SYN2: variants seen among roughly 807,000 people sequenced by gnomAD.
SYN2 encodes synapsin-2.
A neutral mutation model predicts 50.9 loss-of-function variants in SYN2; 19 were observed. The ratio of observed to expected loss-of-function variants is 0.37; its 90% CI spans 0.26 to 0.55. The LOEUF (loss-of-function observed/expected upper bound fraction) is 0.55, where lower values mean the gene tolerates loss of function less well. Among genes scored for constraint, SYN2 ranks in the 20% least tolerant of loss-of-function variants. The pLI, the probability that SYN2 is intolerant of heterozygous loss-of-function variation, is 0.81. For missense variants in SYN2, 587 were observed against 576.4 expected (o/e 1.02, Z -0.19); for synonymous variants, 255 against 224.9 (o/e 1.13, Z -1.20).
At chr3:12,108,723 A>C (rs17035825) in intron 1 of SYN2, among the ~76,000 whole-genome samples, 5,131 of 152,104 alleles carry the variant, frequency 0.034, 271 homozygotes, top group African/African-American at 0.11. Flanking sequence ...CTTCTTTTCT[A>C]AAATCTGTAC....
At chr3:12,010,595 G>A (rs1295648394) in intron 1 of SYN2, among the ~76,000 whole-genome samples, 2 of 152,136 alleles carry the variant, frequency 1.3e-5, no homozygotes, top group African/African-American at 4.8e-5. Context: ...AAACCACTTC[G>A]CATCTTTGGA....
At position 12,016,595 on chromosome 3, in the gene SYN2, G is replaced by A. The variant is rs150512412; in HGVS notation, c.377+11667G>A. ...ATGTAGGCCAGGCGTGGTGGCTCAC[G>A]CCTGTAATCCCAGCTCTTTGGGAAG... On this transcript the variant is annotated intron_variant, in intron 1 of 12. Coordinates refer to ENST00000621198, the MANE Select transcript of SYN2 (RefSeq NM_133625.6). Among the ~76,000 whole-genome samples, 726 of 152,278 alleles carry A rather than the reference G, an allele frequency of 4.8e-3. 6 individuals carry two copies. The highest frequency in any genetic ancestry group is 0.017 in the African/African-American group (690 of 41,544).
chr3:12,083,761 T>C (rs922829108), intron 1 of SYN2, among the ~76,000 whole-genome samples: 2 of 152,192 alleles, frequency 1.3e-5, no homozygotes, highest in African/African-American at 4.8e-5. Flanking sequence ...CCTAACCATC[T>C]GCTAGTTTTA....
chr3:12,185,019 G>A, intron 11 of SYN2: 17 of 985,834 alleles, frequency 1.7e-5, no homozygotes, highest in Non-Finnish European at 2.0e-5. Flanking sequence ...AGGGGCTTGT[G>A]CCTTGGTTTC....
At chr3:12,122,389 G>A (rs1195019573) in intron 1 of SYN2, among the ~76,000 whole-genome samples, 1 of 152,168 alleles carries the variant, frequency 6.6e-6, no homozygotes, top group East Asian at 1.9e-4. Context: ...AGCAGACTGA[G>A]TAGTAAGCCT....
intron 1 of SYN2, among the ~76,000 whole-genome samples, chr3:12,051,955 C>T (rs1401180259): frequency 6.6e-6 from 1 of 152,190 alleles, no homozygotes; most frequent in Non-Finnish European, 1.5e-5. Context: ...GCTGTTGCCT[C>T]TTAGTTGGCT....
At chr3:12,187,283 C>T in intron 11 of SYN2, 86 bp from the exon 12 acceptor site, 1 of 1,439,284 alleles carries the variant, frequency 6.9e-7, no homozygotes, top group Non-Finnish European at 9.2e-7. Context: ...GGGTAATTAA[C>T]TAACCACACC....
At chr3:12,161,819 T>C (rs1031028554) in intron 6 of SYN2, 193 bp from the exon 7 acceptor site, 85 of 991,392 alleles carry the variant, frequency 8.6e-5, no homozygotes, top group Non-Finnish European at 1.2e-4. Context: ...CTGGGTCCTT[T>C]GCAGCAAGTG....
At chr3:12,085,830 A>C (rs1246264968) in intron 1 of SYN2, among the ~76,000 whole-genome samples, 1 of 152,152 alleles carries the variant, frequency 6.6e-6, no homozygotes. Context: ...CTTACATCAT[A>C]CCTCAAAGGA....
At chr3:12,026,140 A>C (rs527318397) in intron 1 of SYN2, among the ~76,000 whole-genome samples, 34 of 152,274 alleles carry the variant, frequency 2.2e-4, no homozygotes, top group African/African-American at 7.9e-4. Flanking sequence ...GACCCTCCTC[A>C]TGGCCTACAG....
rs150236284 is a variant in SYN2, at chr3:12,044,160, T to TTCTCTCTCTCTC, written c.377+39243_377+39254dup. Among the ~76,000 whole-genome samples the TTCTCTCTCTCTC allele has an allele frequency of 1.3e-3, 173 of 135,628 alleles. 1 individual carries two copies. Among genetic ancestry groups the TTCTCTCTCTCTC allele is most frequent in the African/African-American group, 3.9e-3 (126 of 32,528 alleles). The allele number at this position is 135,628 out of a possible 152,430, so 89.0% of individuals were successfully genotyped here. Reference sequence around the variant, plus strand: ...TAGTGTCAACCTTTAGAAGGCAAAGTTCTCTCTCTCTCTCTCTCTCTCACA... The same window carrying TTCTCTCTCTCTC: ...TAGTGTCAACCTTTAGAAGGCAAAGTTCTCTCTCTCTCTCTCTCTCTCTCTCTCTCTCTCACA... On this transcript the variant is annotated intron_variant, in intron 1 of 12. Transcript: ENST00000621198.
intron 1 of SYN2, among the ~76,000 whole-genome samples, chr3:12,125,100 C>T (rs552713344): frequency 1.4e-4 from 21 of 152,012 alleles, no homozygotes; most frequent in African/African-American, 2.4e-4. Flanking sequence ...CTGCAACCTC[C>T]GCCTCCCGGG....
chr3:12,161,728 G>A, intron 6 of SYN2, 120 bp downstream of exon 6: 1 of 1,264,428 alleles, frequency 7.9e-7, no homozygotes, highest in Non-Finnish European at 1.1e-6. Flanking sequence ...AAGAGAAGAT[G>A]ATTTGCCACC....
At chr3:12,086,964 ACT>A (rs1467703837) in intron 1 of SYN2, among the ~76,000 whole-genome samples, 2 of 152,102 alleles carry the variant, frequency 1.3e-5, no homozygotes, top group Admixed American at 1.3e-4. Context: ...AATCCTAAAG[ACT>A]CCACCAAAAA....
intron 2 of SYN2, 130 bp downstream of exon 2, chr3:12,140,838 C>G: frequency 1.4e-6 from 1 of 692,994 alleles, no homozygotes; most frequent in Non-Finnish European, 2.7e-6. Flanking sequence ...TGCATCTCCT[C>G]TCTCTCCTAT....
At chr3:12,150,625 G>A (rs1344135445) in intron 4 of SYN2, among the ~76,000 whole-genome samples, 1 of 152,212 alleles carries the variant, frequency 6.6e-6, no homozygotes, top group Non-Finnish European at 1.5e-5. Context: ...GGTCCAGTAA[G>A]TTCAGTCCCT....
chr3:12,173,375 C>T (rs919049842), intron 10 of SYN2, among the ~76,000 whole-genome samples: 1 of 152,180 alleles, frequency 6.6e-6, no homozygotes, highest in African/African-American at 2.4e-5. Context: ...GCTATCACAT[C>T]CACCCACTTA....
At chr3:12,092,223 A>G (rs979403815) in intron 1 of SYN2, among the ~76,000 whole-genome samples, 2 of 152,328 alleles carry the variant, frequency 1.3e-5, no homozygotes, top group Admixed American at 6.5e-5. Context: ...TTCCTTCACT[A>G]TTAAATGGAG....
chr3:12,114,321 C>T (rs1340437777), intron 1 of SYN2, among the ~76,000 whole-genome samples: 3 of 152,032 alleles, frequency 2.0e-5, no homozygotes, highest in African/African-American at 7.2e-5. Context: ...GTTGTAAGGG[C>T]TGTTTATATA....
Sources: gnomAD v4.1 joint callset for allele counts (sites outside exome capture counted in the v4.1 genomes callset) on GRCh38, gnomAD v4.1.1 for gene constraint, MANE v1.5 for transcripts, NCBI Gene and HGNC (gene_info 2026-07-23, HGNC 2026-07-21) for gene names.